CSMD1: variants seen among roughly 807,000 people sequenced by gnomAD.
CSMD1 encodes CUB and sushi domain-containing protein 1.
In CSMD1, 213 loss-of-function variants were observed where a neutral mutation model predicts 417.5. That is an observed-to-expected ratio of 0.51 (90% CI 0.46 to 0.57). CSMD1 has a LOEUF of 0.57. CSMD1 is among the 20% of genes least tolerant of loss of function. The pLI, the probability that CSMD1 is intolerant of heterozygous loss-of-function variation, is 0.00. For missense variants in CSMD1, 6,923 were observed against 4,529.7 expected (o/e 1.53, Z -15.17); for synonymous variants, 2,862 against 1,736.8 (o/e 1.65, Z -16.11).
At chr8:3,769,274 C>A (rs1357008498) in intron 5 of CSMD1, among the ~76,000 whole-genome samples, 2 of 152,002 alleles carry the variant, frequency 1.3e-5, no homozygotes, top group South Asian at 2.1e-4. Context: ...ATATCAGTAA[C>A]AAACTATAGC....
intron 1 of CSMD1, among the ~76,000 whole-genome samples, chr8:4,775,319 T>C (rs889839619): frequency 6.6e-6 from 1 of 152,174 alleles, no homozygotes; most frequent in African/African-American, 2.4e-5. Context: ...CAAGGTGATA[T>C]GTAGCAGTGA....
chr8:3,799,239 T>C (rs571492318), intron 5 of CSMD1, among the ~76,000 whole-genome samples: 2 of 151,588 alleles, frequency 1.3e-5, no homozygotes, highest in African/African-American at 4.9e-5. Context: ...CAGTTTTTTT[T>C]CTTTGATCAC....
At chr8:4,152,076 C>G (rs944411800) in intron 3 of CSMD1, among the ~76,000 whole-genome samples, 2 of 152,082 alleles carry the variant, frequency 1.3e-5, no homozygotes, top group African/African-American at 4.8e-5. Context: ...TTATTAAGAA[C>G]TTTCCCAAAG....
chr8:3,790,583 T>A (rs1231638453), intron 5 of CSMD1, among the ~76,000 whole-genome samples: 1 of 152,206 alleles, frequency 6.6e-6, no homozygotes, highest in African/African-American at 2.4e-5. Context: ...TTTTTTTTTA[T>A]GTTTTTGGCA....
intron 5 of CSMD1, among the ~76,000 whole-genome samples, chr8:3,834,622 A>G (rs1169827565): frequency 6.6e-6 from 1 of 152,190 alleles, no homozygotes; most frequent in Admixed American, 6.6e-5. Context: ...CGTTTCAGAG[A>G]GTTCTTTGAG....
chr8:4,649,590 T>C (rs1282460423), intron 1 of CSMD1, among the ~76,000 whole-genome samples: 1 of 152,236 alleles, frequency 6.6e-6, no homozygotes, highest in East Asian at 1.9e-4. Flanking sequence ...CTGAAAAGAA[T>C]GTGTCTACAA....
At chr8:4,757,223 C>A (rs1811722159) in intron 1 of CSMD1, among the ~76,000 whole-genome samples, 1 of 152,076 alleles carries the variant, frequency 6.6e-6, no homozygotes. Flanking sequence ...TTCAGGTTCT[C>A]CTTAGAGAAA....
At chr8:4,742,738 AG>A (rs1810704828) in intron 1 of CSMD1, among the ~76,000 whole-genome samples, 1 of 152,204 alleles carries the variant, frequency 6.6e-6, no homozygotes, top group Non-Finnish European at 1.5e-5. Context: ...AGTGGCAGAA[AG>A]AAAAACAAAT....
rs767631043 is a variant in CSMD1, at chr8:4,251,544, A to T, written c.415+168409T>A. On this transcript the variant is annotated intron_variant, in intron 3 of 69. Coordinates refer to ENST00000635120, the MANE Select transcript of CSMD1 (RefSeq NM_033225.6). The stretch of plus-strand genomic sequence containing the variant: ...TAAATAGCCTAAATGATCTCTAAGC[A>T]ATTTAATCAGGGCAGTATCCCACAG... Among the ~76,000 whole-genome samples, 6 of 152,294 alleles carry T rather than the reference A, an allele frequency of 3.9e-5. No individual in the cohort carries two copies. The South Asian group carries it at 1.2e-3, about 32-fold the overall frequency.
chr8:4,316,563 T>A (rs1798945089), intron 3 of CSMD1, among the ~76,000 whole-genome samples: 1 of 152,144 alleles, frequency 6.6e-6, no homozygotes, highest in Admixed American at 6.6e-5. Context: ...AATTAATAAC[T>A]TTCCACTAAT....
intron 2 of CSMD1, among the ~76,000 whole-genome samples, chr8:4,510,231 G>T (rs1361239363): frequency 6.6e-6 from 1 of 151,846 alleles, no homozygotes; most frequent in Non-Finnish European, 1.5e-5. Flanking sequence ...GTGGAACTGT[G>T]AGTCAATTAA....
chr8:3,017,430 A>C (rs2128967663), intron 52 of CSMD1, among the ~76,000 whole-genome samples: 2 of 152,330 alleles, frequency 1.3e-5, no homozygotes, highest in Admixed American at 1.3e-4. Context: ...GAGGACACCC[A>C]ACGACAGACA....
intron 2 of CSMD1, among the ~76,000 whole-genome samples, chr8:4,577,829 G>A (rs903459535): frequency 6.6e-6 from 1 of 152,138 alleles, no homozygotes; most frequent in East Asian, 1.9e-4. Context: ...CCTTGGCCTT[G>A]CATTTTCCCT....
rs901370101 is a variant in CSMD1, at chr8:4,111,790, G to A, written c.416-79691C>T. 3.3e-5 allele frequency among the ~76,000 whole-genome samples: 5 copies of A among 152,090 alleles called. 1 individual carries two copies. The highest frequency in any genetic ancestry group is 2.0e-4 in the Admixed American group (3 of 15,272). On this transcript the variant is annotated intron_variant, in intron 3 of 69. Coordinates refer to ENST00000635120, the MANE Select transcript of CSMD1 (RefSeq NM_033225.6). Reference sequence around the variant, plus strand: ...GTTGTGGGGCATAGGGTGAGGGAGAGCATCAGGATAAATAGCTAATACATA... The same window carrying A: ...GTTGTGGGGCATAGGGTGAGGGAGAACATCAGGATAAATAGCTAATACATA...
intron 1 of CSMD1, among the ~76,000 whole-genome samples, chr8:4,847,908 C>A (rs1055973309): frequency 6.6e-6 from 1 of 151,450 alleles, no homozygotes; most frequent in African/African-American, 2.4e-5. Flanking sequence ...TAAATATTTT[C>A]ATCACTGCAA....
chr8:4,241,856 G>C (rs188264150), intron 3 of CSMD1, among the ~76,000 whole-genome samples: 73 of 152,054 alleles, frequency 4.8e-4, no homozygotes, highest in Non-Finnish European at 9.6e-4. Context: ...TGATTTTTAA[G>C]TGCAAAAAAA....
intron 4 of CSMD1, among the ~76,000 whole-genome samples, chr8:4,028,134 A>T (rs1203119980): frequency 4.6e-5 from 7 of 152,184 alleles, no homozygotes; most frequent in Non-Finnish European, 8.8e-5. Flanking sequence ...CAGGAACATG[A>T]AGAGAAAATG....
In CSMD1 at chr8:2,951,234, A is replaced by G. The variant is rs1270880562; in HGVS notation, c.10081T>C (p.Tyr3361His). 1 of 1,606,722 alleles carries G rather than the reference A, an allele frequency of 6.2e-7. No homozygotes were observed. Among genetic ancestry groups the G allele is most frequent in the Non-Finnish European group, 8.5e-7 (1 of 1,176,228 alleles). Residue 3361 changes from tyrosine to histidine, a missense_variant, in exon 66 of 70, where the codon TAT becomes CAT. By Grantham distance (83) the Tyr-to-His change is moderately conservative. Transcript: ENST00000635120. ...TGTCTTTTCCCTAAATATTCATAAT[A>G]CCCCTTCCACAGTGAATTGACGAAA... ...VFFVNSLWKG[Y>H]YEYLGKRQPA...
intron 1 of CSMD1, among the ~76,000 whole-genome samples, chr8:4,659,466 A>C (rs1263631667): frequency 1.3e-5 from 2 of 152,168 alleles, no homozygotes; most frequent in Non-Finnish European, 2.9e-5. Flanking sequence ...GTCACAAATG[A>C]AGGAAGTACT....
Sources: gnomAD v4.1 joint callset for allele counts (sites outside exome capture counted in the v4.1 genomes callset) on GRCh38, gnomAD v4.1.1 for gene constraint, MANE v1.5 for transcripts, NCBI Gene and HGNC (gene_info 2026-07-23, HGNC 2026-07-21) for gene names.